The following WWOX variants were observed in gnomAD, a reference collection of about 807,000 sequenced individuals.
WWOX encodes the protein WW domain-containing oxidoreductase.
WWOX carries 69 observed loss-of-function variants against 46.2 expected under a neutral mutation model. The ratio of observed to expected loss-of-function variants is 1.49; its 90% CI spans 1.23 to 1.82. The LOEUF is 1.82. WWOX is among the 40% of genes most tolerant of loss of function. The probability of loss-of-function intolerance (pLI) is 0.00; values close to 1 mark genes in which losing one functional copy is unlikely to be tolerated. For missense variants in WWOX, 919 were observed against 542.6 expected (o/e 1.69, Z -6.89); for synonymous variants, 359 against 202.6 (o/e 1.77, Z -6.56).
At chr16:78,756,634 C>G (rs899193585) in intron 8 of WWOX, among the ~76,000 whole-genome samples, 1 of 152,152 alleles carries the variant, frequency 6.6e-6, no homozygotes, top group Non-Finnish European at 1.5e-5. Context: ...TGGGTAAATT[C>G]TAGCATTTTT....
At chr16:78,246,328 A>G (rs1244173774) in intron 5 of WWOX, among the ~76,000 whole-genome samples, 1 of 152,194 alleles carries the variant, frequency 6.6e-6, no homozygotes, top group Non-Finnish European at 1.5e-5. Flanking sequence ...CTCCCTTCAT[A>G]CATATACTAA....
chr16:78,935,131 T>C (rs922253862), intron 8 of WWOX, among the ~76,000 whole-genome samples: 1 of 152,050 alleles, frequency 6.6e-6, no homozygotes, highest in Non-Finnish European at 1.5e-5. Flanking sequence ...TGTAGAGAAA[T>C]AGGAACACTT....
intron 8 of WWOX, among the ~76,000 whole-genome samples, chr16:78,909,894 T>C (rs1021919485): frequency 6.6e-6 from 1 of 152,190 alleles, no homozygotes; most frequent in Non-Finnish European, 1.5e-5. Flanking sequence ...GGCATCCGTT[T>C]AGCAAAATAA....
intron 8 of WWOX, among the ~76,000 whole-genome samples, chr16:79,062,143 G>A (rs1481547406): frequency 2.0e-5 from 3 of 152,182 alleles, no homozygotes; most frequent in Admixed American, 2.0e-4. Flanking sequence ...CCAGACTGAA[G>A]GTTAGGGAGA....
At chr16:78,219,857 G>A (rs965817787) in intron 5 of WWOX, among the ~76,000 whole-genome samples, 5 of 151,284 alleles carry the variant, frequency 3.3e-5, no homozygotes, top group African/African-American at 7.3e-5. Flanking sequence ...GACTTCTCTC[G>A]ACTGTGGTGA....
chr16:78,699,888 G>A (rs1046268293), intron 8 of WWOX, among the ~76,000 whole-genome samples: 2 of 152,076 alleles, frequency 1.3e-5, no homozygotes, highest in Non-Finnish European at 2.9e-5. Context: ...GGTTTTTCAT[G>A]GAGACTGGCA....
chr16:78,999,431 T>C (rs2047051773), intron 8 of WWOX, among the ~76,000 whole-genome samples: 1 of 151,990 alleles, frequency 6.6e-6, no homozygotes, highest in South Asian at 2.1e-4. Flanking sequence ...GATTGCACCA[T>C]TGCACTCCAG....
At chr16:79,017,778 T>G (rs1453011720) in intron 8 of WWOX, among the ~76,000 whole-genome samples, 1 of 152,176 alleles carries the variant, frequency 6.6e-6, no homozygotes, top group Non-Finnish European at 1.5e-5. Flanking sequence ...ATATGAATAT[T>G]TCCACCCCCA....
chr16:78,099,795 A>G lies in WWOX; in HGVS notation c.17A>G (p.Tyr6Cys), dbSNP rs2031625753. ...CAGTCAGCCATGGCAGCGCTGCGCT[A>G]CGCGGGGCTGGACGACACGGACAGT... MAALR[Y>C]AGLDDTDSED... Residue 6 changes from tyrosine (Y) to cysteine (C), a missense_variant, in exon 1 of 9, where the codon TAC becomes TGC. Physicochemically the swap from Tyr to Cys is radical, Grantham distance 194. Transcript: ENST00000566780. 1.3e-6 allele frequency: 2 copies of G among 1,564,700 alleles called. No individual in the cohort carries two copies. The highest frequency in any genetic ancestry group is 8.6e-7 in the Non-Finnish European group (1 of 1,156,914).
At chr16:78,264,358 C>CT (rs2079315450) in intron 5 of WWOX, 1 of 152,100 alleles carries the variant, frequency 6.6e-6, no homozygotes, top group African/African-American at 2.4e-5. Context: ...AGATGTCAGC[C>CT]TTTTCCATTG....
At chr16:78,305,256 C>A (rs1289876916) in intron 5 of WWOX, among the ~76,000 whole-genome samples, 2 of 152,038 alleles carry the variant, frequency 1.3e-5, no homozygotes, top group Non-Finnish European at 2.9e-5. Flanking sequence ...TTCATGGAGA[C>A]CGGGGCCCTC....
chr16:78,948,213 C>T (rs1003926861), intron 8 of WWOX, among the ~76,000 whole-genome samples: 1 of 152,180 alleles, frequency 6.6e-6, no homozygotes, highest in East Asian at 1.9e-4. Context: ...TTGCTCAAGA[C>T]CTGGATCTCA....
At chr16:78,391,855 T>G (rs889638930) in intron 6 of WWOX, among the ~76,000 whole-genome samples, 3 of 152,130 alleles carry the variant, frequency 2.0e-5, no homozygotes, top group African/African-American at 7.2e-5. Flanking sequence ...CTCCAAAATT[T>G]AGTGGCTAAA....
chr16:78,635,877 G>C (rs946289529), intron 8 of WWOX, among the ~76,000 whole-genome samples: 2 of 152,138 alleles, frequency 1.3e-5, no homozygotes, highest in Non-Finnish European at 2.9e-5. Context: ...AGGGGAAAAA[G>C]ATGCTTTGGA....
chr16:78,279,884 G>A (rs940333579), intron 5 of WWOX, among the ~76,000 whole-genome samples: 9 of 152,202 alleles, frequency 5.9e-5, no homozygotes, highest in African/African-American at 1.9e-4. Flanking sequence ...TTCTGTCCTG[G>A]GACCCAGGTG....
chr16:78,144,684 C>T lies in WWOX; in HGVS notation c.410-19499C>T, dbSNP rs189725097. Among the ~76,000 whole-genome samples the T allele has an allele frequency of 1.1e-4, 16 of 150,418 alleles. No individual in the cohort carries two copies. In the East Asian group the frequency reaches 3.2e-3, roughly 30 times the overall value. ...TACAGGTGCACGCTACCATGCCCGG[C>T]TGATTTTTGTATTTTTAGTAGAGGT... On this transcript the variant is annotated intron_variant, in intron 4 of 8. Transcript: ENST00000566780.
chr16:78,676,921 GTGAAAGGGGAAGAAAAACAGTTTTGAA>G (rs1449094586), intron 8 of WWOX, among the ~76,000 whole-genome samples: 2 of 152,280 alleles, frequency 1.3e-5, no homozygotes, highest in Non-Finnish European at 2.9e-5. Context: ...GAAGTATCAA[GTGAAAGGGGAAGAAAAACAGTTTTGAA>G]TAAAAACGGT....
At chr16:79,018,120 A>G (rs890491431) in intron 8 of WWOX, among the ~76,000 whole-genome samples, 5 of 152,222 alleles carry the variant, frequency 3.3e-5, no homozygotes, top group South Asian at 2.1e-4. Context: ...AATCGGAGGC[A>G]GAGGTATCAT....
At chr16:78,136,396 G>A (rs1397339329) in intron 4 of WWOX, among the ~76,000 whole-genome samples, 6 of 152,198 alleles carry the variant, frequency 3.9e-5, no homozygotes, top group Non-Finnish European at 8.8e-5. Flanking sequence ...GGTGAGCAAA[G>A]GATGCTGTTT....
Sources: allele counts gnomAD v4.1 joint callset (sites outside exome capture counted in the v4.1 genomes callset), GRCh38; gene constraint gnomAD v4.1.1; transcripts MANE v1.5; gene names NCBI Gene and HGNC (gene_info 2026-07-23, HGNC 2026-07-21).